The following CARMIL3 variants were observed in gnomAD, a reference collection of about 807,000 sequenced individuals.
The protein encoded by CARMIL3 is capping protein regulator and myosin 1 linker 3.
Under a neutral mutation model 180.8 loss-of-function variants are expected in CARMIL3, and 88 were observed. That is an observed-to-expected ratio of 0.49 (90% CI 0.41 to 0.58). CARMIL3 has a LOEUF of 0.58. CARMIL3 is among the 20% of genes least tolerant of loss of function. The pLI is 0.00. For missense variants in CARMIL3, 1,548 were observed against 1,787.0 expected, an observed-to-expected ratio of 0.87 and a Z score of 2.41; for synonymous variants, 696 against 714.5, an observed-to-expected ratio of 0.97 and a Z score of 0.41.
At position 24,054,169 on chromosome 14, in the gene CARMIL3, T is replaced by C. The variant is rs1231314079; in HGVS notation, c.186+31T>C. ...TTGGGCTGAGGAGCAGGAGAGCACC[T>C]GGCATGCTCCCTACCTCCCAAGCCT... is the stretch of plus-strand genomic sequence containing the variant. On this transcript the variant is annotated intron_variant, in intron 3 of 39. Transcript: ENST00000342740. The surrounding 1 kb of genome is among the most constrained non-coding windows in gnomAD (Gnocchi z 5.1). 1.2e-6 allele frequency: 2 copies of C among 1,614,132 alleles called. No individual in the cohort carries two copies. Among genetic ancestry groups the C allele is most frequent in the Admixed American group, 3.3e-5 (2 of 60,026 alleles).
At position 24,063,498 on chromosome 14, in the gene CARMIL3, C is replaced by A. The variant is rs1212271006; in HGVS notation, c.2944C>A (p.Pro982Thr). The A allele has an allele frequency of 6.2e-7, 1 of 1,613,218 alleles. No individual in the cohort carries two copies. Among genetic ancestry groups the A allele is most frequent in the Admixed American group, 1.7e-5 (1 of 59,976 alleles). ...TCAAACACAAGGGAGGCCCCGCCCC[C>A]CCAGGACCACACCTCCAGGACCTGG... ...RHQTQGRPRP[P>T]RTTPPGPGRP... The change falls in exon 31 of 40, where the codon CCC becomes ACC. Residue 982 changes from proline (P) to threonine (T), a missense_variant. Pro to Thr is a conservative substitution (Grantham distance 38). Transcript: ENST00000342740.
chr14:24,053,658 G>C, intron 1 of CARMIL3, 51 bp from the exon 2 acceptor site: 1 of 1,399,712 alleles, frequency 7.1e-7, no homozygotes, highest in Middle Eastern at 1.8e-4. Flanking sequence ...CTGGGAGGTG[G>C]GGGTGGCCAG....
chr14:24,059,253 G>A lies in CARMIL3; in HGVS notation c.1627-17G>A, dbSNP rs767307664. On this transcript the variant is annotated splice_polypyrimidine_tract_variant and intron_variant, in intron 20 of 39. Coordinates refer to ENST00000342740, the MANE Select transcript of CARMIL3 (RefSeq NM_138360.4). The surrounding 1 kb of genome is among the most constrained non-coding windows in gnomAD (Gnocchi z 6.3). ...GAGGCTGTGGGGACTGGGTCCAACC[G>A]CCCCTTGCCCACACAGTCCCTGCAG... 8 of 1,613,756 alleles carry A rather than the reference G, an allele frequency of 5.0e-6. No individual in the cohort carries two copies. The highest frequency in any genetic ancestry group is 4.5e-5 in the East Asian group (2 of 44,874).
intron 24 of CARMIL3, 135 bp from the exon 25 acceptor site, chr14:24,060,493 C>A: frequency 7.4e-7 from 1 of 1,346,662 alleles, no homozygotes. Flanking sequence ...AAGGCTGTAG[C>A]AATGGGGACC....
rs2035736196 is a variant in CARMIL3, at chr14:24,061,779, C to T, written c.2480+107C>T. The T allele has an allele frequency of 1.1e-5, 13 of 1,214,636 alleles. No individual in the cohort carries two copies. The highest frequency in any genetic ancestry group is 7.5e-5 in the South Asian group (5 of 67,072). 75.2% of individuals were successfully genotyped at this position (1,214,636 alleles called of 1,614,324 possible). On this transcript the variant is annotated intron_variant, in intron 27 of 39. Coordinates refer to ENST00000342740, the MANE Select transcript of CARMIL3 (RefSeq NM_138360.4). This position sits in a 1 kb window ranked among gnomAD's most constrained non-coding sequence, Gnocchi z 4.1. ...AATGAATAATGAATGGCACAATCTC[C>T]ATTACAAGGATCAATCTTTAACCAA...
rs772373347 is a variant in CARMIL3 at position 24,065,055 on chromosome 14, C to A, written c.3178C>A (p.Arg1060=). The A allele has an allele frequency of 3.1e-6, 5 of 1,605,740 alleles. No individual in the cohort carries two copies. Among genetic ancestry groups the A allele is most frequent in the Admixed American group, 3.4e-5 (2 of 58,330 alleles). ...KRRRGLFHFR[R]PRSFKGDRGP... is the part of the protein sequence containing the mutation. ...GCGCCGGGGCCTGTTTCACTTTCGC[C>A]GGCCCCGGAGCTTCAAGGGGGACAG... Residue 1060 remains arginine (R), a synonymous_variant, in exon 33 of 40, where the codon CGG becomes AGG. Transcript: ENST00000342740.
chr14:24,054,098 C>G lies in CARMIL3; in HGVS notation c.146C>G (p.Ser49Cys). ...TTCCTCTCTCTGTAGGCCCTGACCTCCTGGCGCCTCCACCTCTTCCTCCTT... is the reference window on the plus strand; with the variant it reads ...TTCCTCTCTCTGTAGGCCCTGACCTGCTGGCGCCTCCACCTCTTCCTCCTT... ...KFEDRVLALTSWRLHLFLLKV... is the reference protein window; with the variant it reads ...KFEDRVLALTCWRLHLFLLKV... The change falls in exon 3 of 40, where the codon TCC becomes TGC. Residue 49 changes from serine to cysteine, a missense_variant. Transcript: ENST00000342740. This position sits in a 1 kb window ranked among gnomAD's most constrained non-coding sequence, Gnocchi z 5.1. 1.2e-6 allele frequency: 2 copies of G among 1,613,890 alleles called. No homozygotes were observed. The highest frequency in any genetic ancestry group is 1.7e-6 in the Non-Finnish European group (2 of 1,180,008).
In CARMIL3 at chr14:24,056,691, C is replaced by T. The variant is rs984199849; in HGVS notation, c.935C>T (p.Thr312Ile). 6.2e-7 allele frequency: 1 copy of T among 1,613,320 alleles called. No homozygotes were observed. The highest frequency in any genetic ancestry group is 1.3e-5 in the African/African-American group (1 of 74,934). ...SGLTKLCLAK[T>I]AISPRGLQAL... ...CTCACCAAACTGTGCCTGGCCAAGACTGCCATTTCCCCTCGAGGTACTCGC... is the reference window on the plus strand; with the variant it reads ...CTCACCAAACTGTGCCTGGCCAAGATTGCCATTTCCCCTCGAGGTACTCGC... The change falls in exon 12 of 40, where the codon ACT (threonine) becomes ATT (isoleucine). Residue 312 changes from threonine to isoleucine, a missense_variant. By Grantham distance (89) the Thr-to-Ile change is moderately conservative (BLOSUM62 -1). Coordinates refer to ENST00000342740, the MANE Select transcript of CARMIL3 (RefSeq NM_138360.4).
rs749725272 is a variant in CARMIL3, at chr14:24,056,944, G to A, written c.982G>A (p.Ala328Thr). 1.2e-6 allele frequency: 2 copies of A among 1,614,064 alleles called. No homozygotes were observed. Among genetic ancestry groups the A allele is most frequent in the South Asian group, 1.1e-5 (1 of 91,080 alleles). The change falls in exon 13 of 40, where the codon GCA (alanine) becomes ACA (threonine). Residue 328 changes from alanine to threonine, a missense_variant. Physicochemically the swap from Ala to Thr is moderately conservative, Grantham distance 58. Transcript: ENST00000342740. Reference sequence around the variant, plus strand: ...CCAGGCACTCGGCCAGACCTTCGGGGCAAACCCAGCATTTGCCAGCTCCCT... The same window carrying A: ...CCAGGCACTCGGCCAGACCTTCGGGACAAACCCAGCATTTGCCAGCTCCCT... Reference protein sequence around the residue: ...GLQALGQTFGANPAFASSLRY... With the variant: ...GLQALGQTFGTNPAFASSLRY...
At position 24,061,592 on chromosome 14, in the gene CARMIL3, G is replaced by A. The variant is rs759243028; in HGVS notation, c.2400G>A (p.Ala800=). The A allele has an allele frequency of 8.1e-6, 13 of 1,613,872 alleles. No individual in the cohort carries two copies. The highest frequency in any genetic ancestry group is 1.3e-5 in the African/African-American group (1 of 74,876). ...ACAACAAGATGCTGAGCAATGTGGC[G>A]GAGCGTGTCACTGTGCCCCGGAACT... is the stretch of plus-strand genomic sequence containing the variant. ...EGHNKMLSNV[A]ERVTVPRNFI... Residue 800 remains alanine, a synonymous_variant, in exon 27 of 40, where the codon GCG becomes GCA. Coordinates refer to ENST00000342740, the MANE Select transcript of CARMIL3 (RefSeq NM_138360.4). The surrounding 1 kb of genome is among the most constrained non-coding windows in gnomAD (Gnocchi z 4.1).
Position 24,061,018 on chromosome 14 carries a change from A to C in CARMIL3, c.2282A>C (p.Lys761Thr). The change falls in exon 26 of 40, where the codon AAA (lysine) becomes ACA (threonine). Residue 761 changes from lysine (K) to threonine (T), a missense_variant. By Grantham distance (78) the Lys-to-Thr change is moderately conservative (BLOSUM62 -1). Around this residue, in one of 4 missense-constraint regions of CARMIL3, gnomAD observed 297 missense variants for 415.9 expected, o/e 0.71. Transcript: ENST00000342740. This position sits in a 1 kb window ranked among gnomAD's most constrained non-coding sequence, Gnocchi z 4.1. Reference protein sequence around the residue: ...RLESVASEVSKAVDKELQVIL... With the variant: ...RLESVASEVSTAVDKELQVIL... ...GAATCAGTAGCAAGTGAGGTGTCCA[A>C]AGCTGTGGACAAGGAGCTGCAGGCA... 6.4e-7 allele frequency: 1 copy of C among 1,551,578 alleles called. No homozygotes were observed. The highest frequency in any genetic ancestry group is 8.7e-7 in the Non-Finnish European group (1 of 1,146,928).
intron 31 of CARMIL3, 84 bp downstream of exon 31, chr14:24,063,617 A>G: frequency 7.4e-7 from 1 of 1,351,848 alleles, no homozygotes; most frequent in Non-Finnish European, 1.0e-6. Context: ...CCCAAATGCC[A>G]GAGACAGTAG....
At position 24,068,884 on chromosome 14, in the gene CARMIL3, G is replaced by A; in HGVS notation, c.3900G>A (p.Glu1300=). Residue 1300 remains glutamate, a synonymous_variant, in exon 38 of 40, where the codon GAG becomes GAA. Transcript: ENST00000342740. ...PQEPGVREEA[E]AGDAAPGVNK... is the part of the protein sequence containing the mutation. ...AGCCAGGGGTCAGGGAGGAGGCTGAGGCTGGAGATGCAGCTCCAGGAGTCA... is the reference window on the plus strand; with the variant it reads ...AGCCAGGGGTCAGGGAGGAGGCTGAAGCTGGAGATGCAGCTCCAGGAGTCA... 1.2e-6 allele frequency: 2 copies of A among 1,609,416 alleles called. No individual in the cohort carries two copies. Among genetic ancestry groups the A allele is most frequent in the Non-Finnish European group, 8.5e-7 (1 of 1,178,148 alleles).
Position 24,061,384 on chromosome 14 carries a change from C to T in CARMIL3, c.2305-113C>T. On this transcript the variant is annotated intron_variant, in intron 26 of 39. Coordinates refer to ENST00000342740, the MANE Select transcript of CARMIL3 (RefSeq NM_138360.4). The surrounding 1 kb of genome is among the most constrained non-coding windows in gnomAD (Gnocchi z 4.1). The stretch of plus-strand genomic sequence containing the variant: ...GCCACTAACAGTTTTGTGACTTAGG[C>T]AGGTCCCTCAGTCTCAGCAGGAGGG... 1 of 1,100,986 alleles carries T rather than the reference C, an allele frequency of 9.1e-7. No individual in the cohort carries two copies. Among genetic ancestry groups the T allele is most frequent in the South Asian group, 1.6e-5 (1 of 61,104 alleles). The allele number at this position is 1,100,986 out of a possible 1,614,324, so 68.2% of individuals were successfully genotyped here. A position where few individuals can be genotyped will look rare whatever the true frequency, so the allele number is the denominator to read the frequency against.
chr14:24,055,203 G>T (rs746335266), intron 7 of CARMIL3, 34 bp from the exon 8 acceptor site: 4 of 1,613,904 alleles, frequency 2.5e-6, no homozygotes, highest in Non-Finnish European at 3.4e-6. Flanking sequence ...GAAGGAAGTG[G>T]GGAGCAGGTG....
intron 33 of CARMIL3, 145 bp from the exon 34 acceptor site, chr14:24,065,477 G>T (rs564477638): frequency 1.7e-5 from 21 of 1,255,968 alleles, no homozygotes; most frequent in Non-Finnish European, 2.3e-5. Context: ...GAATGCAGGC[G>T]TTGGAAGGAC....
chr14:24,061,149 A>G lies in CARMIL3; in HGVS notation c.2304+109A>G. ...GAGACTTCTGGAGGGCCAGGAGGAC[A>G]TGCAGAGTTGAGACCACCCACGCTC... On this transcript the variant is annotated intron_variant, in intron 26 of 39. Coordinates refer to ENST00000342740, the MANE Select transcript of CARMIL3 (RefSeq NM_138360.4). This position sits in a 1 kb window ranked among gnomAD's most constrained non-coding sequence, Gnocchi z 4.1. 1.0e-6 allele frequency: 1 copy of G among 989,810 alleles called. No homozygotes were observed. The highest frequency in any genetic ancestry group is 1.5e-6 in the Non-Finnish European group (1 of 660,384). 61.3% of individuals were successfully genotyped at this position (989,810 alleles called of 1,614,324 possible). A position where few individuals can be genotyped will look rare whatever the true frequency, so the allele number is the denominator to read the frequency against.
At position 24,059,769 on chromosome 14, in the gene CARMIL3, C is replaced by G. The variant is rs201482400; in HGVS notation, c.1868+37C>G. 18 of 1,607,044 alleles carry G rather than the reference C, an allele frequency of 1.1e-5. No individual in the cohort carries two copies. The Middle Eastern group carries it at 6.6e-4, about 59-fold the overall frequency. ...ATGGTCCTGCCCTGATCCAAGTCCC[C>G]AGCCTCCCTGTGCCTGGATCAGGCC... On this transcript the variant is annotated intron_variant, in intron 22 of 39. Transcript: ENST00000342740. This position sits in a 1 kb window ranked among gnomAD's most constrained non-coding sequence, Gnocchi z 6.3.
rs763128136 is a variant in CARMIL3, at chr14:24,062,796, C to T, written c.2656C>T (p.Arg886Trp). ...GQDLSSRGRG[R>W]NHDHEETTDD... The stretch of plus-strand genomic sequence containing the variant: ...GGATCTGTCCTCCCGGGGCCGAGGC[C>T]GGAACCATGACCATGAGGAGACCAC... The change falls in exon 29 of 40, where the codon CGG (arginine) becomes TGG (tryptophan). Residue 886 changes from arginine to tryptophan, a missense_variant. Physicochemically the swap from Arg to Trp is moderately radical, Grantham distance 101 (BLOSUM62 -3). Around this residue, in one of 4 missense-constraint regions of CARMIL3, gnomAD observed 668 missense variants for 687.8 expected, o/e 0.97. Transcript: ENST00000342740. 29 of 1,613,822 alleles carry T rather than the reference C, an allele frequency of 1.8e-5. No individual in the cohort carries two copies. The highest frequency in any genetic ancestry group is 1.7e-4 in the Middle Eastern group (1 of 6,052).
Sources: allele counts gnomAD v4.1 joint callset, GRCh38; gene constraint gnomAD v4.1.1; regional missense constraint gnomAD v4.1.1; non-coding constraint Gnocchi (gnomAD v3.1); transcripts MANE v1.5; gene names NCBI Gene and HGNC (gene_info 2026-07-23, HGNC 2026-07-21).